The following KHDRBS3 variants were observed in gnomAD, a reference collection of about 807,000 sequenced individuals.
KHDRBS3 encodes the protein KH RNA binding domain containing, signal transduction associated 3.
Under a neutral mutation model 45.6 loss-of-function variants are expected in KHDRBS3, and 23 were observed. The ratio of observed to expected loss-of-function variants is 0.50; its 90% CI spans 0.36 to 0.72. The LOEUF (loss-of-function observed/expected upper bound fraction) is 0.72, where lower values mean the gene tolerates loss of function less well. Ranked by LOEUF, KHDRBS3 falls within the 30% of genes least tolerant of loss-of-function variation. KHDRBS3 has a pLI of 0.00. For synonymous variants in KHDRBS3, 162 were observed against 156.5 expected (o/e 1.04, Z -0.26); for missense variants, 352 against 424.8 (o/e 0.83, Z 1.51).
At chr8:135,516,400 A>G (rs1563736471) in intron 1 of KHDRBS3, among the ~76,000 whole-genome samples, 3 of 152,188 alleles carry the variant, frequency 2.0e-5, no homozygotes, top group South Asian at 2.1e-4. Flanking sequence ...TTGTGCTGCA[A>G]GGTTACCACA....
intron 5 of KHDRBS3, among the ~76,000 whole-genome samples, chr8:135,560,902 T>C (rs916141554): frequency 1.3e-5 from 2 of 152,218 alleles, no homozygotes; most frequent in Non-Finnish European, 2.9e-5. Context: ...AAGCAGCTCA[T>C]ATGCTAGGCA....
intron 1 of KHDRBS3, among the ~76,000 whole-genome samples, chr8:135,485,842 T>TTATATATATATATATATATACA (rs1822829742): frequency 8.3e-6 from 1 of 120,346 alleles, no homozygotes; most frequent in Non-Finnish European, 1.6e-5. Context: ...CATTTCAAGT[T>TTATATATATATATATATATACA]TATATATATA....
intron 7 of KHDRBS3, chr8:135,625,986 G>A (rs1211490819): frequency 1.7e-5 from 13 of 745,092 alleles, no homozygotes; most frequent in Admixed American, 5.4e-5. Context: ...TGCCATCTTC[G>A]GCTCTTGGCG....
chr8:135,621,047 T>A (rs2131087301), intron 7 of KHDRBS3, among the ~76,000 whole-genome samples: 1 of 151,756 alleles, frequency 6.6e-6, no homozygotes, highest in East Asian at 1.9e-4. Context: ...CAGTAAGAAA[T>A]CTTGTACCAT....
In KHDRBS3 at chr8:135,546,395, A is replaced by G. The variant is rs540041005; in HGVS notation, c.325-2359A>G. ...ATGTGAATATAATTTTTCTGCATTT[A>G]TTTGCTACATTTATGAAATTATGGG... On this transcript the variant is annotated intron_variant, in intron 3 of 8. Transcript: ENST00000355849. 5.3e-4 allele frequency among the ~76,000 whole-genome samples: 81 copies of G among 152,252 alleles called. 1 individual carries two copies. The South Asian group carries it at 0.016, about 31-fold the overall frequency.
At chr8:135,577,735 T>G (rs1828012225) in intron 5 of KHDRBS3, among the ~76,000 whole-genome samples, 1 of 152,158 alleles carries the variant, frequency 6.6e-6, no homozygotes, top group Non-Finnish European at 1.5e-5. Context: ...GGCATACATT[T>G]TCAGAACCAT....
chr8:135,541,615 G>T (rs1826052018), intron 2 of KHDRBS3: 1 of 152,166 alleles, frequency 6.6e-6, no homozygotes, highest in South Asian at 2.1e-4. Context: ...CTCAGAAACA[G>T]CAGCACAGCA....
chr8:135,655,141 C>T (rs1257992763), intron 4 of KHDRBS3, among the ~76,000 whole-genome samples: 2 of 152,224 alleles, frequency 1.3e-5, no homozygotes, highest in Non-Finnish European at 2.9e-5. Context: ...TAAGGCAATG[C>T]CCTCATCAAT....
At chr8:135,551,544 G>A (rs1457431224) in intron 4 of KHDRBS3, among the ~76,000 whole-genome samples, 1 of 152,108 alleles carries the variant, frequency 6.6e-6, no homozygotes, top group Non-Finnish European at 1.5e-5. Context: ...GTGAATAATA[G>A]TGTATTACAT....
intron 2 of KHDRBS3, among the ~76,000 whole-genome samples, chr8:135,526,836 G>A (rs146120712): frequency 1.3e-5 from 2 of 152,192 alleles, no homozygotes; most frequent in East Asian, 3.9e-4. Flanking sequence ...ACTCTCTTGA[G>A]TTATGTATCT....
intron 1 of KHDRBS3, among the ~76,000 whole-genome samples, chr8:135,502,360 A>T (rs537839333): frequency 2.6e-5 from 4 of 152,242 alleles, no homozygotes; most frequent in African/African-American, 9.6e-5. Flanking sequence ...GGATATATCT[A>T]TGAAGTTTTG....
intron 2 of KHDRBS3, among the ~76,000 whole-genome samples, chr8:135,525,526 CTTCA>C (rs1825137588): frequency 6.6e-6 from 1 of 152,154 alleles, no homozygotes; most frequent in Non-Finnish European, 1.5e-5. Context: ...GTCTTCAGTG[CTTCA>C]GACAGTTAAC....
chr8:135,500,033 G>C (rs1374319288), intron 1 of KHDRBS3, among the ~76,000 whole-genome samples: 1 of 152,116 alleles, frequency 6.6e-6, no homozygotes, highest in East Asian at 1.9e-4. Flanking sequence ...TTACCTTCAG[G>C]AGTTTAAAAT....
chr8:135,586,079 A>G (rs1261123078), intron 6 of KHDRBS3, among the ~76,000 whole-genome samples: 2 of 152,234 alleles, frequency 1.3e-5, no homozygotes, highest in East Asian at 1.9e-4. Flanking sequence ...TCATCTCAGT[A>G]TAAAAAGGGG....
At chr8:135,644,632 G>A (rs1364360536) in intron 7 of KHDRBS3, among the ~76,000 whole-genome samples, 3 of 152,200 alleles carry the variant, frequency 2.0e-5, no homozygotes, top group Non-Finnish European at 4.4e-5. Context: ...GAAAGGAGGT[G>A]TTTACCTCCT....
chr8:135,469,506 GT>G (rs1356499436), intron 1 of KHDRBS3, among the ~76,000 whole-genome samples: 74 of 111,278 alleles, frequency 6.7e-4, no homozygotes, highest in Admixed American at 3.8e-3. Flanking sequence ...CCAGGATGGT[GT>G]TTTTTTTTTG....
chr8:135,632,236 C>T (rs1028508136), intron 7 of KHDRBS3, among the ~76,000 whole-genome samples: 1 of 152,174 alleles, frequency 6.6e-6, no homozygotes, highest in Non-Finnish European at 1.5e-5. Context: ...CTCTGAGCAC[C>T]TTTGCCACAC....
At chr8:135,509,950 C>T (rs2130571385) in intron 1 of KHDRBS3, among the ~76,000 whole-genome samples, 1 of 146,486 alleles carries the variant, frequency 6.8e-6, no homozygotes, top group East Asian at 2.0e-4. Flanking sequence ...AACTTAGGTA[C>T]ATTGAAATTT....
intron 7 of KHDRBS3, among the ~76,000 whole-genome samples, chr8:135,608,111 T>C (rs528688305): frequency 8.6e-4 from 131 of 152,260 alleles, no homozygotes; most frequent in African/African-American, 2.4e-3. Context: ...GTATACACCG[T>C]CTCATTTAGG....
Sources: gnomAD v4.1 joint callset for allele counts (sites outside exome capture counted in the v4.1 genomes callset) on GRCh38, gnomAD v4.1.1 for gene constraint, MANE v1.5 for transcripts, NCBI Gene and HGNC (gene_info 2026-07-23, HGNC 2026-07-21) for gene names.